LSM14A: variants seen among roughly 807,000 people sequenced by gnomAD.
LSM14A encodes the protein LSM14A mRNA processing body assembly factor, also known as protein LSM14 homolog A.
LSM14A carries 14 observed loss-of-function variants against 52.4 expected under a neutral mutation model. That is an observed-to-expected ratio of 0.27 (90% CI 0.18 to 0.42). The LOEUF is 0.42. LSM14A is among the 10% of genes least tolerant of loss of function. The pLI is 1.00. For missense variants in LSM14A, 417 were observed against 581.8 expected, an observed-to-expected ratio of 0.72 and a Z score of 2.91; for synonymous variants, 185 against 200.3, an observed-to-expected ratio of 0.92 and a Z score of 0.64.
In LSM14A at chr19:34,227,984, A is replaced by G. The variant is rs935903689; in HGVS notation, c.*596A>G. 1 of 152,600 alleles carries G rather than the reference A, an allele frequency of 6.6e-6. No homozygotes were observed. Among genetic ancestry groups the G allele is most frequent in the African/African-American group, 2.4e-5 (1 of 41,448 alleles). The allele number at this position is 152,600 out of a possible 1,614,324, so 9.5% of individuals were successfully genotyped here. ...TTTCTTAGGCAAAGGTAACTTTTTT[A>G]TATAGTTGTAAAATTCCATTATATT... On this transcript the variant is annotated 3_prime_UTR_variant, in exon 10 of 10. Transcript: ENST00000544216.
chr19:34,179,686 A>T (rs949110561), intron 1 of LSM14A, among the ~76,000 whole-genome samples: 3 of 152,192 alleles, frequency 2.0e-5, no homozygotes, highest in Non-Finnish European at 4.4e-5. Flanking sequence ...GAAGAAAAAA[A>T]ATAGTAGAAG....
At chr19:34,218,197 G>T (rs573461112) in intron 6 of LSM14A, among the ~76,000 whole-genome samples, 1 of 151,830 alleles carries the variant, frequency 6.6e-6, no homozygotes, top group East Asian at 1.9e-4. Context: ...GTAGAGATGG[G>T]GTTTCACCTT....
chr19:34,200,236 A>G (rs1031096907), intron 3 of LSM14A, among the ~76,000 whole-genome samples: 1 of 152,254 alleles, frequency 6.6e-6, no homozygotes, highest in Admixed American at 6.5e-5. Context: ...GAACTGCTTT[A>G]GGCTGGCAAA....
intron 1 of LSM14A, 121 bp downstream of exon 1, chr19:34,172,884 C>CGAGAG: frequency 8.6e-7 from 1 of 1,165,950 alleles, no homozygotes; most frequent in Non-Finnish European, 1.1e-6. Context: ...GGAGGCCTCT[C>CGAGAG]GCCTCCCTTC....
chr19:34,189,171 T>C (rs1471413515), intron 1 of LSM14A, among the ~76,000 whole-genome samples: 1 of 152,184 alleles, frequency 6.6e-6, no homozygotes, highest in Non-Finnish European at 1.5e-5. Context: ...CCCCAAAATA[T>C]CCCAGAATCA....
intron 6 of LSM14A, among the ~76,000 whole-genome samples, chr19:34,216,722 T>C (rs905164861): frequency 6.6e-6 from 1 of 152,114 alleles, no homozygotes; most frequent in African/African-American, 2.4e-5. Context: ...CCTCCCGAAG[T>C]ATTGGGATTA....
chr19:34,201,703 G>A (rs1315524842), intron 3 of LSM14A, among the ~76,000 whole-genome samples: 1 of 152,060 alleles, frequency 6.6e-6, no homozygotes, highest in Non-Finnish European at 1.5e-5. Flanking sequence ...TTCATTTTTG[G>A]TTCCTAGTAT....
At chr19:34,205,667 G>A (rs1003042843) in intron 3 of LSM14A, among the ~76,000 whole-genome samples, 17 of 152,032 alleles carry the variant, frequency 1.1e-4, no homozygotes, top group African/African-American at 4.1e-4. Context: ...GGGTGACAGA[G>A]TGAGACCATG....
chr19:34,192,316 G>GTTTTTATTTTT (rs1306000214), intron 1 of LSM14A, among the ~76,000 whole-genome samples: 1 of 65,822 alleles, frequency 1.5e-5, no homozygotes, highest in Non-Finnish European at 2.9e-5. Flanking sequence ...CATTCTTTTT[G>GTTTTTATTTTT]TTGTTTTTTT....
At chr19:34,194,416 C>G (rs758348171) in intron 1 of LSM14A, 62 bp from the exon 2 acceptor site, 8 of 1,332,810 alleles carry the variant, frequency 6.0e-6, no homozygotes, top group Non-Finnish European at 8.5e-6. Flanking sequence ...CATTTAGAAT[C>G]TGGGGTACTA....
At chr19:34,195,198 CTTT>C (rs34828620) in intron 2 of LSM14A, 12 of 137,938 alleles carry the variant, frequency 8.7e-5, no homozygotes, top group Admixed American at 2.2e-4. Flanking sequence ...TTTTCTTTTT[CTTT>C]TTTTTTTTTT....
At chr19:34,224,907 C>T (rs551733166) in intron 9 of LSM14A, among the ~76,000 whole-genome samples, 57 of 152,300 alleles carry the variant, frequency 3.7e-4, no homozygotes, top group African/African-American at 1.3e-3. Context: ...AGTCAGGTCC[C>T]CCCTTTCACT....
chr19:34,182,551 C>T (rs1020662255), intron 1 of LSM14A, among the ~76,000 whole-genome samples: 2 of 151,852 alleles, frequency 1.3e-5, no homozygotes, highest in Non-Finnish European at 2.9e-5. Flanking sequence ...GAAGAGTCAA[C>T]TCTCGGCCGG....
chr19:34,219,251 C>A, intron 6 of LSM14A, 140 bp from the exon 7 acceptor site: 1 of 456,368 alleles, frequency 2.2e-6, no homozygotes, highest in East Asian at 3.5e-5. Flanking sequence ...ATAAAAAATA[C>A]AAATACAATA....
At chr19:34,196,854 T>A in intron 3 of LSM14A, 91 bp downstream of exon 3, 1 of 1,040,458 alleles carries the variant, frequency 9.6e-7, no homozygotes, top group Non-Finnish European at 1.4e-6. Flanking sequence ...CTATTAGAAA[T>A]GTTGTTTGAT....
chr19:34,215,625 A>C lies in LSM14A; in HGVS notation c.745A>C (p.Asn249His), dbSNP rs1380042759. Residue 249 changes from asparagine (N) to histidine (H), a missense_variant, in exon 6 of 10, where the codon AAT becomes CAT. This residue lies in a region of LSM14A where 357 missense variants were observed against 457.0 expected (regional missense o/e 0.78). Coordinates refer to ENST00000544216, the MANE Select transcript of LSM14A (RefSeq NM_015578.4). ...AGTACACAAAGTTTCAAGGCCAGAA[A>C]ATGAGCAACTCAGAAATGATAACAA... Reference protein sequence around the residue: ...AEVHKVSRPENEQLRNDNKRQ... With the variant: ...AEVHKVSRPEHEQLRNDNKRQ... 1 of 1,613,946 alleles carries C rather than the reference A, an allele frequency of 6.2e-7. No individual in the cohort carries two copies. Among genetic ancestry groups the C allele is most frequent in the South Asian group, 1.1e-5 (1 of 91,068 alleles).
chr19:34,187,432 C>T (rs2070010505), intron 1 of LSM14A, among the ~76,000 whole-genome samples: 1 of 151,994 alleles, frequency 6.6e-6, no homozygotes, highest in Non-Finnish European at 1.5e-5. Flanking sequence ...GCGTGTGCCA[C>T]CACAACCGGC....
chr19:34,221,081 C>CTTTTTTT (rs34608536), intron 8 of LSM14A, among the ~76,000 whole-genome samples: 1 of 124,854 alleles, frequency 8.0e-6, no homozygotes, highest in Admixed American at 8.4e-5. Flanking sequence ...AGATAAGATG[C>CTTTTTTT]TTTTTTTTTT....
chr19:34,209,645 G>A (rs534717330), intron 4 of LSM14A, among the ~76,000 whole-genome samples: 20 of 152,136 alleles, frequency 1.3e-4, no homozygotes, highest in Non-Finnish European at 2.8e-4. Context: ...ATTTTAAATG[G>A]TTATCCATAC....
Sources: allele counts gnomAD v4.1 joint callset (sites outside exome capture counted in the v4.1 genomes callset), GRCh38; gene constraint gnomAD v4.1.1; regional missense constraint gnomAD v4.1.1; transcripts MANE v1.5; gene names NCBI Gene and HGNC (gene_info 2026-07-23, HGNC 2026-07-21).